MRPL45: variants seen among roughly 807,000 people sequenced by gnomAD.
MRPL45 encodes the protein large ribosomal subunit protein mL45.
MRPL45 carries 20 observed loss-of-function variants against 38.1 expected under a neutral mutation model. The ratio of observed to expected loss-of-function variants is 0.53; its 90% CI spans 0.37 to 0.76. MRPL45 has a LOEUF of 0.76. Among genes scored for constraint, MRPL45 ranks in the 30% least tolerant of loss-of-function variants. The pLI is 0.00. For missense variants in MRPL45, 337 were observed against 395.6 expected (o/e 0.85, Z 1.26); for synonymous variants, 105 against 128.8 (o/e 0.82, Z 1.25).
Position 38,322,861 on chromosome 17 carries a change from AT to A in MRPL45, c.*268del. ...TGAAAGACAGTATGTTTCAGAGAAC[AT>A]TGGATATCAGTTTTTCCCACAGCAG... On this transcript the variant is annotated 3_prime_UTR_variant, in exon 8 of 8. Coordinates refer to ENST00000613675, the MANE Select transcript of MRPL45 (RefSeq NM_032351.6). 4.7e-6 allele frequency: 2 copies of A among 426,114 alleles called. No individual in the cohort carries two copies. The highest frequency in any genetic ancestry group is 8.4e-6 in the Non-Finnish European group (2 of 238,108). 26.4% of individuals were successfully genotyped at this position (426,114 alleles called of 1,614,324 possible).
intron 3 of MRPL45, 79 bp downstream of exon 3, chr17:38,299,547 G>A (rs571501335): frequency 1.6e-4 from 178 of 1,113,248 alleles, no homozygotes; most frequent in African/African-American, 1.4e-3. Flanking sequence ...AGACCTTTTT[G>A]GGTTAATTGG....
At chr17:38,297,941 T>A (rs887173977) in intron 1 of MRPL45, among the ~76,000 whole-genome samples, 17 of 152,214 alleles carry the variant, frequency 1.1e-4, no homozygotes, top group Admixed American at 3.3e-4. Flanking sequence ...TACAAAAAAA[T>A]TTTAAAATTA....
chr17:38,303,867 C>T (rs1278272628), intron 3 of MRPL45, among the ~76,000 whole-genome samples: 3 of 152,140 alleles, frequency 2.0e-5, no homozygotes, highest in Admixed American at 6.6e-5. Context: ...GCTGGGATTA[C>T]AGGTGTGCGC....
chr17:38,299,236 T>G (rs1389271216), intron 2 of MRPL45, 115 bp from the exon 3 acceptor site: 5 of 655,700 alleles, frequency 7.6e-6, no homozygotes, highest in Non-Finnish European at 1.3e-5. Flanking sequence ...CATGGAAGTC[T>G]GTTTCATTAG....
chr17:38,317,972 A>G (rs2037191122), intron 4 of MRPL45, among the ~76,000 whole-genome samples: 1 of 151,880 alleles, frequency 6.6e-6, no homozygotes, highest in African/African-American at 2.4e-5. Context: ...GAAAGACATG[A>G]TTATCTTTGA....
chr17:38,318,376 T>C (rs2037195631), intron 4 of MRPL45, among the ~76,000 whole-genome samples: 1 of 151,980 alleles, frequency 6.6e-6, no homozygotes, highest in South Asian at 2.1e-4. Context: ...AGGGTACCCA[T>C]CTTAAGGATA....
At chr17:38,316,980 T>C (rs559110669) in intron 4 of MRPL45, among the ~76,000 whole-genome samples, 5 of 152,108 alleles carry the variant, frequency 3.3e-5, no homozygotes, top group African/African-American at 1.2e-4. Context: ...GTATTTTTAG[T>C]AGGGACAGGG....
intron 5 of MRPL45, among the ~76,000 whole-genome samples, chr17:38,319,123 C>A (rs1254973538): frequency 6.6e-6 from 1 of 151,796 alleles, no homozygotes; most frequent in Non-Finnish European, 1.5e-5. Flanking sequence ...GCAAGCTCCG[C>A]CTCCCGGGTT....
rs1021200279 is a variant in MRPL45 at position 38,318,670 on chromosome 17, A to T, written c.462-17A>T. 6 of 1,586,814 alleles carry T rather than the reference A, an allele frequency of 3.8e-6. No individual in the cohort carries two copies. The African/African-American group carries it at 6.8e-5, about 18-fold the overall frequency. On this transcript the variant is annotated splice_polypyrimidine_tract_variant and intron_variant, in intron 4 of 7. Transcript: ENST00000613675. The stretch of plus-strand genomic sequence containing the variant: ...ATAAGAGCAATAGTCAATGATATTT[A>T]TTGCTTTCTTTTCTAGCTCAGACCA...
At chr17:38,303,981 C>T (rs1305434412) in intron 3 of MRPL45, among the ~76,000 whole-genome samples, 1 of 152,080 alleles carries the variant, frequency 6.6e-6, no homozygotes, top group African/African-American at 2.4e-5. Context: ...TTGCTTGGAT[C>T]CTATGTCTTT....
chr17:38,301,865 C>A (rs190752082), intron 3 of MRPL45, among the ~76,000 whole-genome samples: 1 of 152,204 alleles, frequency 6.6e-6, no homozygotes, highest in African/African-American at 2.4e-5. Flanking sequence ...CGCCTGTAAT[C>A]CCAGCGCTTT....
intron 4 of MRPL45, among the ~76,000 whole-genome samples, chr17:38,308,357 C>T (rs2037074608): frequency 6.6e-6 from 1 of 152,084 alleles, no homozygotes; most frequent in Non-Finnish European, 1.5e-5. Context: ...ATCTGCCTAC[C>T]TCAGCCTCCC....
intron 1 of MRPL45, among the ~76,000 whole-genome samples, chr17:38,298,046 G>A (rs2036954782): frequency 6.6e-6 from 1 of 152,172 alleles, no homozygotes; most frequent in Non-Finnish European, 1.5e-5. Flanking sequence ...GCAGTGAACC[G>A]TGATCGTGCC....
Position 38,320,734 on chromosome 17 carries a change from C to T in MRPL45, c.627C>T (p.Tyr209=), listed in dbSNP as rs138752501. The change falls in exon 6 of 8, where the codon TAC becomes TAT. Residue 209 remains tyrosine (Y), a synonymous_variant. Transcript: ENST00000613675. ...CSSMMNQGNV[Y]GQITVRMHTR... ...GTATGATGAACCAGGGCAACGTGTA[C>T]GGCCAGATCACCGTACGCATGCACA... 76 of 1,614,086 alleles carry T rather than the reference C, an allele frequency of 4.7e-5. No homozygotes were observed. The highest frequency in any genetic ancestry group is 4.4e-4 in the South Asian group (40 of 91,078).
At chr17:38,310,097 T>C (rs2037095496) in intron 4 of MRPL45, among the ~76,000 whole-genome samples, 1 of 148,858 alleles carries the variant, frequency 6.7e-6, no homozygotes, top group Non-Finnish European at 1.5e-5. Flanking sequence ...ATATTTATTT[T>C]ATTTATTTTC....
At chr17:38,300,238 G>A (rs546925790) in intron 3 of MRPL45, among the ~76,000 whole-genome samples, 3 of 151,634 alleles carry the variant, frequency 2.0e-5, no homozygotes, top group Non-Finnish European at 4.4e-5. Flanking sequence ...AGATGGTCTC[G>A]ATCTCTTGAC....
At chr17:38,313,109 C>T (rs1360522111) in intron 4 of MRPL45, among the ~76,000 whole-genome samples, 9 of 149,036 alleles carry the variant, frequency 6.0e-5, no homozygotes, top group South Asian at 2.1e-4. Flanking sequence ...CTCAGCCTCC[C>T]GGGTAGCTGG....
intron 3 of MRPL45, among the ~76,000 whole-genome samples, chr17:38,302,486 CAAA>C (rs1301214106): frequency 3.6e-5 from 2 of 55,764 alleles, no homozygotes; most frequent in African/African-American, 6.9e-5. Context: ...GACTCCATCT[CAAA>C]AAAAAAAAAA....
At chr17:38,300,870 C>T (rs762732171) in intron 3 of MRPL45, among the ~76,000 whole-genome samples, 14 of 152,158 alleles carry the variant, frequency 9.2e-5, no homozygotes, top group South Asian at 2.1e-4. Context: ...CGCTTGAACC[C>T]GGGAGGCGGA....
Sources: allele counts gnomAD v4.1 joint callset (sites outside exome capture counted in the v4.1 genomes callset), GRCh38; gene constraint gnomAD v4.1.1; transcripts MANE v1.5; gene names NCBI Gene and HGNC (gene_info 2026-07-23, HGNC 2026-07-21).